NRG1: variants seen among roughly 807,000 people sequenced by gnomAD.
NRG1 encodes neuregulin 1.
Under a neutral mutation model 63.8 loss-of-function variants are expected in NRG1, and 18 were observed. The ratio of observed to expected loss-of-function variants is 0.28; its 90% confidence interval spans 0.19 to 0.42. The LOEUF is 0.42. Among genes scored for constraint, NRG1 ranks in the 10% least tolerant of loss-of-function variants. The pLI, the probability that NRG1 is intolerant of heterozygous loss-of-function variation, is 1.00. For synonymous variants in NRG1, 302 were observed against 301.3 expected (o/e 1.00, Z -0.02); for missense variants, 762 against 814.7 (o/e 0.94, Z 0.79).
At chr8:32,738,419 T>TAC (rs1481755356) in intron 6 of NRG1, among the ~76,000 whole-genome samples, 7 of 110,616 alleles carry the variant, frequency 6.3e-5, no homozygotes, top group Non-Finnish European at 9.8e-5. Flanking sequence ...ACGAATGGTA[T>TAC]ATACATACAC....
In NRG1 at chr8:32,625,082, G is replaced by A. The variant is rs563229159; in HGVS notation, c.502+8197G>A. Reference sequence around the variant, plus strand: ...TAGACATCACCATTTAAACCTAAACGAAATAACAACTCCGGTAGTTCATCT... The same window carrying A: ...TAGACATCACCATTTAAACCTAAACAAAATAACAACTCCGGTAGTTCATCT... On this transcript the variant is annotated intron_variant, in intron 5 of 11. Transcript: ENST00000356819. Among the ~76,000 whole-genome samples the A allele has an allele frequency of 7.2e-5, 11 of 152,266 alleles. No individual in the cohort carries two copies. In the South Asian group the frequency reaches 1.9e-3, roughly 26 times the overall value.
chr8:32,478,263 G>GT (rs373540602), intron 1 of NRG1, among the ~76,000 whole-genome samples: 25 of 91,072 alleles, frequency 2.7e-4, no homozygotes, highest in Admixed American at 2.0e-3. Context: ...CTTCTTCCAT[G>GT]TGGGGGGGCC....
At chr8:32,257,396 A>G (rs75615519) in intron 1 of NRG1, among the ~76,000 whole-genome samples, 1 of 152,166 alleles carries the variant, frequency 6.6e-6, no homozygotes, top group African/African-American at 2.4e-5. Context: ...GCTTCAAGCC[A>G]TATTTCTTTT....
intron 1 of NRG1, among the ~76,000 whole-genome samples, chr8:31,813,516 C>CTTTTCTTTTCTTTTCTTTTT: frequency 5.8e-4 from 59 of 101,204 alleles, no homozygotes; most frequent in Non-Finnish European, 8.2e-4. Flanking sequence ...CTTTTCTTTT[C>CTTTTCTTTTCTTTTCTTTTT]TTTTTTTTTT....
chr8:32,582,261 G>A (rs2466065), intron 1 of NRG1, among the ~76,000 whole-genome samples: 1 of 151,834 alleles, frequency 6.6e-6, no homozygotes, highest in South Asian at 2.1e-4. Flanking sequence ...CCACACCTGG[G>A]TAATTTTTGT....
rs1362558687 is a variant in NRG1 at position 32,591,661 on chromosome 8, GTTA to G, written c.101-4160_101-4158del. Among the ~76,000 whole-genome samples, 19 of 152,236 alleles carry G rather than the reference GTTA, an allele frequency of 1.2e-4. 1 individual carries two copies. The highest frequency in any genetic ancestry group is 3.6e-4 in the African/African-American group (15 of 41,554). On this transcript the variant is annotated intron_variant, in intron 1 of 11. Transcript: ENST00000356819. ...TTTAAATGATTTAAATGAATGTAATGTTATTATTAATTAAATTTAACTTATAAA... is the reference window on the plus strand; with the variant it reads ...TTTAAATGATTTAAATGAATGTAATGTTATTAATTAAATTTAACTTATAAA...
intron 1 of NRG1, among the ~76,000 whole-genome samples, chr8:32,559,899 G>A (rs530333538): frequency 6.6e-6 from 1 of 151,990 alleles, no homozygotes; most frequent in African/African-American, 2.4e-5. Context: ...GGATGCACCT[G>A]TAGTCCCATC....
At chr8:32,180,294 C>G (rs1474939396) in intron 1 of NRG1, among the ~76,000 whole-genome samples, 1 of 152,130 alleles carries the variant, frequency 6.6e-6, no homozygotes, top group Non-Finnish European at 1.5e-5. Flanking sequence ...CCAATTTTCT[C>G]CAGCTAAACA....
chr8:32,561,350 T>C (rs1440533536), intron 1 of NRG1, among the ~76,000 whole-genome samples: 1 of 152,230 alleles, frequency 6.6e-6, no homozygotes, highest in Non-Finnish European at 1.5e-5. Context: ...AATCTTTATA[T>C]CTTTTTGTTC....
intron 1 of NRG1, among the ~76,000 whole-genome samples, chr8:31,999,422 G>T (rs1350169323): frequency 2.0e-5 from 3 of 151,914 alleles, no homozygotes; most frequent in African/African-American, 7.2e-5. Flanking sequence ...TTTAGCAGTA[G>T]ATGTATATAT....
chr8:32,386,044 C>T (rs1810978040), intron 1 of NRG1, among the ~76,000 whole-genome samples: 1 of 152,176 alleles, frequency 6.6e-6, no homozygotes, highest in South Asian at 2.1e-4. Flanking sequence ...GGGCATGATT[C>T]TGTCTATGCT....
chr8:31,681,355 G>GA (rs1808323956), intron 1 of NRG1, among the ~76,000 whole-genome samples: 1 of 151,562 alleles, frequency 6.6e-6, no homozygotes, highest in African/African-American at 2.4e-5. Flanking sequence ...AAATACAATG[G>GA]AAAAAAGACT....
intron 6 of NRG1, among the ~76,000 whole-genome samples, chr8:32,731,554 A>G (rs569576221): frequency 6.6e-6 from 1 of 152,348 alleles, no homozygotes; most frequent in East Asian, 1.9e-4. Context: ...AAAGCAAGCC[A>G]GAACCTTGAG....
chr8:31,799,625 A>G (rs1821557871), intron 1 of NRG1, among the ~76,000 whole-genome samples: 2 of 151,986 alleles, frequency 1.3e-5, no homozygotes, highest in African/African-American at 2.4e-5. Flanking sequence ...CTAACTTTCT[A>G]TTTGACATAA....
At chr8:32,467,619 G>A (rs536846362) in intron 1 of NRG1, among the ~76,000 whole-genome samples, 1 of 152,240 alleles carries the variant, frequency 6.6e-6, no homozygotes, top group South Asian at 2.1e-4. Context: ...CACATATTAC[G>A]CTAAAGTAGA....
intron 1 of NRG1, among the ~76,000 whole-genome samples, chr8:32,389,075 G>A (rs1458472341): frequency 6.6e-6 from 1 of 152,106 alleles, no homozygotes; most frequent in Non-Finnish European, 1.5e-5. Flanking sequence ...GTTGAAATCC[G>A]TAATCTCTTT....
intron 2 of NRG1, among the ~76,000 whole-genome samples, chr8:32,601,411 T>C (rs1431846779): frequency 2.0e-5 from 3 of 152,134 alleles, no homozygotes; most frequent in Non-Finnish European, 4.4e-5. Context: ...CTTGAATCTT[T>C]CCAAAGAGAA....
At chr8:31,942,877 G>GAA (rs34734344) in intron 1 of NRG1, among the ~76,000 whole-genome samples, 2,515 of 147,232 alleles carry the variant, frequency 0.017, 33 homozygotes, top group South Asian at 0.089. Flanking sequence ...ATAATAAAAA[G>GAA]AAAAAAAAAA....
chr8:32,162,580 C>A (rs901608798), intron 1 of NRG1, among the ~76,000 whole-genome samples: 5 of 152,084 alleles, frequency 3.3e-5, no homozygotes, highest in Non-Finnish European at 7.4e-5. Context: ...GTAGAGATGG[C>A]AAGGAAAGGC....
Sources: gnomAD v4.1 joint callset for allele counts (sites outside exome capture counted in the v4.1 genomes callset) on GRCh38, gnomAD v4.1.1 for gene constraint, MANE v1.5 for transcripts, NCBI Gene and HGNC (gene_info 2026-07-23, HGNC 2026-07-21) for gene names.